Variants in NOX4 observed in about 807,000 individuals in gnomAD.
The protein encoded by NOX4 is NADPH oxidase 4, also known as kidney oxidase-1.
NOX4 carries 69 observed loss-of-function variants against 87.6 expected under a neutral mutation model. The observed-to-expected ratio is 0.79, with a 90% CI of 0.65 to 0.96. The LOEUF is 0.96. Among genes scored for constraint, NOX4 ranks in the 40% least tolerant of loss-of-function variants. The pLI, the probability that NOX4 is intolerant of heterozygous loss-of-function variation, is 0.00. For missense variants in NOX4, 680 were observed against 681.5 expected, an observed-to-expected ratio of 1.00 and a Z score of 0.02; for synonymous variants, 275 against 238.2, an observed-to-expected ratio of 1.15 and a Z score of -1.42.
chr11:89,576,226 T>C, the NOX4 span, among the ~76,000 whole-genome samples: 2 of 152,298 alleles, frequency 1.3e-5, no homozygotes, highest in Middle Eastern at 3.4e-3. Flanking sequence ...GGAAAAACAA[T>C]GTGAGCATTC....
At chr11:89,341,820 A>G (rs536044787) in intron 14 of NOX4, among the ~76,000 whole-genome samples, 35 of 152,292 alleles carry the variant, frequency 2.3e-4, no homozygotes, top group African/African-American at 8.2e-4. Context: ...ATGGAGGCGA[A>G]TGACTTTTAA....
the NOX4 span, among the ~76,000 whole-genome samples, chr11:89,513,708 T>G: frequency 6.6e-6 from 1 of 151,978 alleles, no homozygotes; most frequent in Non-Finnish European, 1.5e-5. Context: ...TATTTAATCC[T>G]CAGAACAAAC....
upstream of NOX4, among the ~76,000 whole-genome samples, chr11:89,493,726 TATTATTATTA>T (rs1565357811): frequency 9.4e-5 from 10 of 106,308 alleles, no homozygotes; most frequent in South Asian, 8.0e-4. Context: ...ATTGTTTTAT[TATTATTATTA>T]TTATTATTAT....
chr11:89,405,809 A>C (rs1192015122), intron 8 of NOX4, among the ~76,000 whole-genome samples: 1 of 151,650 alleles, frequency 6.6e-6, no homozygotes, highest in Non-Finnish European at 1.5e-5. Context: ...GGGAGTACTT[A>C]AGTATCTCCC....
intron 13 of NOX4, among the ~76,000 whole-genome samples, chr11:89,350,568 T>C (rs1417914534): frequency 2.0e-5 from 3 of 152,200 alleles, no homozygotes; most frequent in African/African-American, 4.8e-5. Flanking sequence ...CTCTGTGATA[T>C]GGTATAACTT....
intron 15 of NOX4, among the ~76,000 whole-genome samples, chr11:89,339,655 A>C (rs1483955648): frequency 6.6e-6 from 1 of 152,166 alleles, no homozygotes. Context: ...TGCAGTATTA[A>C]AGATGGCAAT....
chr11:89,383,270 C>T (rs1940434611), intron 11 of NOX4, among the ~76,000 whole-genome samples: 1 of 152,238 alleles, frequency 6.6e-6, no homozygotes, highest in African/African-American at 2.4e-5. Flanking sequence ...TGCCAGAAAT[C>T]TGGCCACTGG....
Position 89,355,067 on chromosome 11 carries a change from A to T in NOX4, c.1136-24T>A, listed in dbSNP as rs778941578. ...TTCTGTCAAAAGAAAAATAAACATC[A>T]AGCTGTGAAAAGATAAAAGTCATGA... On this transcript the variant is annotated intron_variant, in intron 12 of 17. Transcript: ENST00000263317. 4.8e-6 allele frequency: 7 copies of T among 1,466,538 alleles called. No homozygotes were observed. In the South Asian group the frequency reaches 7.0e-5, roughly 15 times the overall value. The allele number at this position is 1,466,538 out of a possible 1,614,324, so 90.8% of individuals were successfully genotyped here.
At chr11:89,451,062 G>T (rs1944933890) in intron 3 of NOX4, among the ~76,000 whole-genome samples, 1 of 128,816 alleles carries the variant, frequency 7.8e-6, no homozygotes. Flanking sequence ...AGGGCCTGTT[G>T]TGGGGTGGGG....
At chr11:89,501,825 G>A (rs149546736), upstream of NOX4, among the ~76,000 whole-genome samples, 327 of 152,178 alleles carry the variant, frequency 2.1e-3, no homozygotes, top group Middle Eastern at 6.8e-3. Context: ...TACATCAGCA[G>A]GATGGAGAGT....
chr11:89,587,371 G>C, the NOX4 span, among the ~76,000 whole-genome samples: 1 of 152,130 alleles, frequency 6.6e-6, no homozygotes, highest in African/African-American at 2.4e-5. Flanking sequence ...TTAAAATGGC[G>C]AGTTTCAGAT....
At chr11:89,366,861 A>C (rs1200143168) in intron 12 of NOX4, among the ~76,000 whole-genome samples, 1 of 152,112 alleles carries the variant, frequency 6.6e-6, no homozygotes, top group Non-Finnish European at 1.5e-5. Context: ...TAGTATTTTA[A>C]GTGAGCTGTA....
chr11:89,533,833 C>T, the NOX4 span: 1 of 152,192 alleles, frequency 6.6e-6, no homozygotes, highest in Non-Finnish European at 1.5e-5. Context: ...ATTTTTTCTT[C>T]TGCATCTATC....
At chr11:89,571,358 A>G in the NOX4 span, among the ~76,000 whole-genome samples, 1 of 149,394 alleles carries the variant, frequency 6.7e-6, no homozygotes. Flanking sequence ...GTGCAGTGGC[A>G]TGATGTCGAC....
intron 8 of NOX4, among the ~76,000 whole-genome samples, chr11:89,404,398 C>T (rs562663279): frequency 2.0e-5 from 3 of 152,054 alleles, no homozygotes; most frequent in Admixed American, 1.3e-4. Flanking sequence ...GAGTCAAATC[C>T]GCCTCCTAAC....
intron 11 of NOX4, among the ~76,000 whole-genome samples, 170 bp from the exon 12 acceptor site, chr11:89,373,662 C>T (rs1218999975): frequency 1.3e-5 from 2 of 151,900 alleles, no homozygotes; most frequent in African/African-American, 4.8e-5. Flanking sequence ...AAATCAATGT[C>T]AACAGGTCAG....
At chr11:89,439,884 A>G (rs1374734732) in intron 6 of NOX4, among the ~76,000 whole-genome samples, 3 of 152,194 alleles carry the variant, frequency 2.0e-5, no homozygotes, top group African/African-American at 4.8e-5. Context: ...CAAAGAAATA[A>G]CTTATTTTAA....
intron 8 of NOX4, among the ~76,000 whole-genome samples, chr11:89,405,454 G>T (rs961476423): frequency 6.6e-6 from 1 of 151,828 alleles, no homozygotes; most frequent in African/African-American, 2.4e-5. Context: ...TTTACTTTCA[G>T]ATTTCAAGCT....
chr11:89,549,404 TGTTA>T, the NOX4 span, among the ~76,000 whole-genome samples: 1 of 152,302 alleles, frequency 6.6e-6, no homozygotes, highest in South Asian at 2.1e-4. Flanking sequence ...CCTTCAAATG[TGTTA>T]GTATCACATA....
Sources: gnomAD v4.1 joint callset for allele counts (sites outside exome capture counted in the v4.1 genomes callset) on GRCh38, gnomAD v4.1.1 for gene constraint, MANE v1.5 for transcripts, NCBI Gene and HGNC (gene_info 2026-07-23, HGNC 2026-07-21) for gene names.